Variants in DRC4 observed in about 807,000 individuals in gnomAD.
DRC4 encodes GAS-11.
At chr16:90,022,552 C>T in the DRC4 span, 2 of 646,122 alleles carry the variant, frequency 3.1e-6, no homozygotes, top group East Asian at 6.9e-5. Flanking sequence ...CTTCCGGACG[C>T]CCGTCTCTAG....
At chr16:90,021,418 CT>C in the DRC4 span, among the ~76,000 whole-genome samples, 22 of 148,060 alleles carry the variant, frequency 1.5e-4, no homozygotes, top group Non-Finnish European at 1.2e-4. Flanking sequence ...AAGACCTTTT[CT>C]TTTTTTTTTT....
At chr16:90,041,307 GC>G in the DRC4 span, among the ~76,000 whole-genome samples, 3 of 152,190 alleles carry the variant, frequency 2.0e-5, no homozygotes, top group African/African-American at 7.2e-5. Context: ...AATGACAGAG[GC>G]CCCCGCAGGG....
At chr16:90,025,607 A>G in the DRC4 span, among the ~76,000 whole-genome samples, 2 of 126,688 alleles carry the variant, frequency 1.6e-5, no homozygotes, top group Non-Finnish European at 3.2e-5. Context: ...CTGAGATCGC[A>G]CCATTGCACT....
chr16:90,044,092 G>A, the DRC4 span: 1 of 446,560 alleles, frequency 2.2e-6, no homozygotes, highest in Non-Finnish European at 4.5e-6. Context: ...TGAGGGTCTG[G>A]GATGGGGTGA....
the DRC4 span, among the ~76,000 whole-genome samples, chr16:90,041,165 C>T: frequency 2.0e-4 from 31 of 152,332 alleles, no homozygotes; most frequent in Non-Finnish European, 3.7e-4. Context: ...AGAGAGCAGT[C>T]GTGGCCTGTG....
the DRC4 span, chr16:90,043,317 C>A: frequency 6.2e-7 from 1 of 1,610,750 alleles, no homozygotes; most frequent in Non-Finnish European, 8.5e-7. Context: ...GGCCAGGGCC[C>A]CGCGGGACTG....
At chr16:90,043,920 C>T in the DRC4 span, 10 of 439,432 alleles carry the variant, frequency 2.3e-5, 1 homozygote, top group Admixed American at 2.6e-4. Flanking sequence ...CGCTCTAACT[C>T]CCTCGGTAGG....
the DRC4 span, chr16:90,043,115 C>T: frequency 6.1e-6 from 9 of 1,464,258 alleles, no homozygotes; most frequent in Non-Finnish European, 8.3e-6. Context: ...GCTCACGCTG[C>T]CCCTCCATGG....
At chr16:90,041,199 G>A in the DRC4 span, among the ~76,000 whole-genome samples, 10 of 152,236 alleles carry the variant, frequency 6.6e-5, no homozygotes, top group Non-Finnish European at 8.8e-5. Context: ...CTGCGCCCAC[G>A]CGCCAGGGTG....
the DRC4 span, chr16:90,028,868 C>T: frequency 7.4e-6 from 8 of 1,084,378 alleles, no homozygotes; most frequent in African/African-American, 6.6e-5. Context: ...CTGAAAGAGT[C>T]TCATGACCTG....
chr16:90,027,845 C>T, the DRC4 span: 2 of 826,402 alleles, frequency 2.4e-6, no homozygotes, highest in East Asian at 2.6e-5. Context: ...AGAACACGCC[C>T]CCCGCGTGGC....
the DRC4 span, chr16:90,043,345 G>C: frequency 6.3e-7 from 1 of 1,579,906 alleles, no homozygotes; most frequent in Admixed American, 1.8e-5. Flanking sequence ...CCCCGACGTA[G>C]CTGCCCCCCT....
the DRC4 span, chr16:90,027,800 A>G: frequency 5.9e-6 from 8 of 1,357,116 alleles, no homozygotes; most frequent in Non-Finnish European, 8.4e-6. Flanking sequence ...CCGAGTGTCC[A>G]TCTTGCCATG....
the DRC4 span, chr16:90,029,455 G>A: frequency 1.6e-6 from 1 of 610,738 alleles, no homozygotes; most frequent in Admixed American, 3.5e-5. Context: ...ATTGAGTGAT[G>A]GCAAAATCTC....
At chr16:90,034,670 A>T in the DRC4 span, among the ~76,000 whole-genome samples, 68 of 151,980 alleles carry the variant, frequency 4.5e-4, no homozygotes, top group African/African-American at 1.5e-3. Flanking sequence ...TTTTTATGCA[A>T]ATTTTAAATA....
chr16:90,037,268 C>T, the DRC4 span: 1 of 1,613,468 alleles, frequency 6.2e-7, no homozygotes, highest in African/African-American at 1.3e-5. Flanking sequence ...GGAGGACCAC[C>T]TGGAGAGGGA....
the DRC4 span, chr16:90,022,279 A>G: frequency 6.2e-6 from 1 of 161,236 alleles, no homozygotes. Flanking sequence ...AGTGAGGCCC[A>G]GGGGATAGAG....
At chr16:90,036,710 T>C in the DRC4 span, 1 of 831,524 alleles carries the variant, frequency 1.2e-6, no homozygotes, top group Non-Finnish European at 2.0e-6. Flanking sequence ...TATAAGATTG[T>C]TTGACAATGC....
the DRC4 span, among the ~76,000 whole-genome samples, chr16:90,034,681 TATA>T: frequency 7.2e-5 from 11 of 151,742 alleles, no homozygotes; most frequent in African/African-American, 2.7e-4. Flanking sequence ...ATTTTAAATA[TATA>T]ATGTTTATTT....
Sources: allele counts gnomAD v4.1 joint callset (sites outside exome capture counted in the v4.1 genomes callset), GRCh38; gene constraint gnomAD v4.1.1; transcripts MANE v1.5; gene names NCBI Gene and HGNC (gene_info 2026-07-23, HGNC 2026-07-21).